UBE3A: variants seen among roughly 807,000 people sequenced by gnomAD.
The protein encoded by UBE3A is ubiquitin-protein ligase E3A.
Under a neutral mutation model 83.4 loss-of-function variants are expected in UBE3A, and 6 were observed. That is an observed-to-expected ratio of 0.07 (90% CI 0.04 to 0.14). The LOEUF is 0.14. Ranked by LOEUF, UBE3A falls within the 10% of genes least tolerant of loss-of-function variation. UBE3A has a pLI of 1.00. For missense variants in UBE3A, 456 were observed against 1,036.1 expected, an observed-to-expected ratio of 0.44 and a Z score of 7.69; for synonymous variants, 337 against 355.4, an observed-to-expected ratio of 0.95 and a Z score of 0.58.
chr15:25,377,402 G>A (rs1281806336), intron 4 of UBE3A, among the ~76,000 whole-genome samples: 2 of 152,102 alleles, frequency 1.3e-5, no homozygotes, highest in Non-Finnish European at 2.9e-5. Context: ...GCATAAACAT[G>A]ACTTAAAGAC....
chr15:25,375,274 G>A, intron 5 of UBE3A, 191 bp downstream of exon 5: 1 of 643,504 alleles, frequency 1.6e-6, no homozygotes, highest in South Asian at 2.1e-5. Context: ...CATATGATCT[G>A]CTTCTAATTA....
At chr15:25,409,064 G>A (rs1284620364) in intron 3 of UBE3A, 24 bp downstream of exon 3, 2 of 1,578,448 alleles carry the variant, frequency 1.3e-6, no homozygotes, top group Non-Finnish European at 1.7e-6. Flanking sequence ...GCCTTTTAAA[G>A]GCTGTAAAAT....
intron 4 of UBE3A, among the ~76,000 whole-genome samples, chr15:25,401,690 T>C (rs936604725): frequency 6.6e-6 from 1 of 152,166 alleles, no homozygotes; most frequent in African/African-American, 2.4e-5. Flanking sequence ...CTTTTTTTCT[T>C]AGTCTAGCTA....
chr15:25,341,198 T>C (rs2074708841), intron 11 of UBE3A, among the ~76,000 whole-genome samples: 1 of 151,352 alleles, frequency 6.6e-6, no homozygotes, highest in Admixed American at 6.6e-5. Flanking sequence ...GCCTCCCAAG[T>C]GGCTGGGACT....
intron 5 of UBE3A, chr15:25,374,973 T>G (rs1311292942): frequency 5.8e-6 from 1 of 173,520 alleles, no homozygotes; most frequent in African/African-American, 2.4e-5. Flanking sequence ...CTGTACCAAA[T>G]GTCCGGAAGG....
At chr15:25,398,771 T>A (rs112339647) in intron 4 of UBE3A, among the ~76,000 whole-genome samples, 77 of 68,878 alleles carry the variant, frequency 1.1e-3, no homozygotes, top group African/African-American at 2.5e-3. Flanking sequence ...ATTCTTTTAT[T>A]TATATATATA....
At chr15:25,390,814 A>G (rs1241587269) in intron 4 of UBE3A, among the ~76,000 whole-genome samples, 1 of 152,140 alleles carries the variant, frequency 6.6e-6, no homozygotes, top group Non-Finnish European at 1.5e-5. Context: ...GGTTCATCAG[A>G]AAGACATGTA....
At chr15:25,356,259 A>T (rs1420338940) in intron 8 of UBE3A, among the ~76,000 whole-genome samples, 2 of 152,026 alleles carry the variant, frequency 1.3e-5, no homozygotes, top group Non-Finnish European at 2.9e-5. Flanking sequence ...TTCTCTGCTG[A>T]GAAACCCCAT....
chr15:25,354,947 C>T (rs1432201192), intron 9 of UBE3A, among the ~76,000 whole-genome samples: 1 of 151,984 alleles, frequency 6.6e-6, no homozygotes, highest in Non-Finnish European at 1.5e-5. Context: ...CTACTTCTTA[C>T]AATTTCACAA....
chr15:25,423,180 A>C (rs991716851), intron 1 of UBE3A, among the ~76,000 whole-genome samples: 1 of 152,142 alleles, frequency 6.6e-6, no homozygotes, highest in African/African-American at 2.4e-5. Context: ...TAAATGATAT[A>C]TAAAGAATGC....
intron 1 of UBE3A, among the ~76,000 whole-genome samples, chr15:25,414,224 T>C (rs1052722523): frequency 1.6e-4 from 24 of 152,272 alleles, no homozygotes; most frequent in Admixed American, 1.3e-3. Flanking sequence ...ACTAAAAAAA[T>C]TGGTGCCATT....
intron 4 of UBE3A, among the ~76,000 whole-genome samples, chr15:25,380,085 G>T (rs1030098708): frequency 1.3e-5 from 2 of 152,092 alleles, no homozygotes; most frequent in African/African-American, 4.8e-5. Context: ...TCTTGTGGTA[G>T]TAAGTCTCAC....
In UBE3A at chr15:25,337,852, G is replaced by C. The variant is rs1428390194; in HGVS notation, c.*1285C>G. On this transcript the variant is annotated 3_prime_UTR_variant, in exon 13 of 13. Coordinates refer to ENST00000648336, the MANE Select transcript of UBE3A (RefSeq NM_130839.5). ...CACATACACAGAAGACTAGGAAAGG[G>C]GAAACTACTTACTTCTGGAAATCAG... 1 of 152,022 alleles carries C rather than the reference G, an allele frequency of 6.6e-6. No individual in the cohort carries two copies. The highest frequency in any genetic ancestry group is 2.4e-5 in the African/African-American group (1 of 41,422). The allele number at this position is 152,022 out of a possible 1,614,324, so 9.4% of individuals were successfully genotyped here.
chr15:25,402,907 T>C (rs1366613408), intron 4 of UBE3A, among the ~76,000 whole-genome samples: 8 of 152,236 alleles, frequency 5.3e-5, no homozygotes, highest in Admixed American at 1.3e-4. Context: ...TGCAAAGTGC[T>C]AGTCTGCCAT....
chr15:25,432,153 G>GA (rs1893663162), intron 1 of UBE3A, among the ~76,000 whole-genome samples: 1 of 152,168 alleles, frequency 6.6e-6, no homozygotes, highest in Non-Finnish European at 1.5e-5. Flanking sequence ...TAAAGAACAT[G>GA]AGTTTAACAT....
In UBE3A at chr15:25,336,674, G is replaced by C. The variant is rs1334010410; in HGVS notation, c.*2463C>G. On this transcript the variant is annotated 3_prime_UTR_variant, in exon 13 of 13. Coordinates refer to ENST00000648336, the MANE Select transcript of UBE3A (RefSeq NM_130839.5). The stretch of plus-strand genomic sequence containing the variant: ...GAGCTGCCAAGGTCCAGAAAAGTTT[G>C]GCTGCAGGCTGTTTTCATGTTTTAT... 1 of 152,134 alleles carries C rather than the reference G, an allele frequency of 6.6e-6. No individual in the cohort carries two copies. The highest frequency in any genetic ancestry group is 1.5e-5 in the Non-Finnish European group (1 of 68,014). The allele number at this position is 152,134 out of a possible 1,614,324, so 9.4% of individuals were successfully genotyped here. A position where few individuals can be genotyped will look rare whatever the true frequency, so the allele number is the denominator to read the frequency against.
intron 1 of UBE3A, among the ~76,000 whole-genome samples, chr15:25,428,575 T>C (rs906331643): frequency 1.3e-5 from 2 of 152,222 alleles, no homozygotes; most frequent in Non-Finnish European, 2.9e-5. Context: ...TCAACATAAA[T>C]GTTGTACGAT....
intron 4 of UBE3A, among the ~76,000 whole-genome samples, chr15:25,383,334 C>A (rs981612733): frequency 1.3e-5 from 2 of 152,056 alleles, no homozygotes; most frequent in Non-Finnish European, 2.9e-5. Context: ...AAAATCAACA[C>A]CCTTTTAGGA....
At chr15:25,431,985 T>A (rs1054301504) in intron 1 of UBE3A, among the ~76,000 whole-genome samples, 1 of 152,210 alleles carries the variant, frequency 6.6e-6, no homozygotes, top group African/African-American at 2.4e-5. Context: ...ATTAGCTTTA[T>A]ATAGAAAACA....
Sources: gnomAD v4.1 joint callset for allele counts (sites outside exome capture counted in the v4.1 genomes callset) on GRCh38, gnomAD v4.1.1 for gene constraint, MANE v1.5 for transcripts, NCBI Gene and HGNC (gene_info 2026-07-23, HGNC 2026-07-21) for gene names.